MYCBP2: variants seen among roughly 807,000 people sequenced by gnomAD.
The protein encoded by MYCBP2 is E3 ubiquitin-protein ligase MYCBP2.
In MYCBP2, 120 loss-of-function variants were observed where a neutral mutation model predicts 525.3. The ratio of observed to expected loss-of-function variants is 0.23; its 90% CI spans 0.20 to 0.27. The LOEUF is 0.27. MYCBP2 is among the 10% of genes least tolerant of loss of function. The pLI is 1.00. For missense variants in MYCBP2, 4,149 were observed against 5,657.1 expected, an observed-to-expected ratio of 0.73 and a Z score of 8.55; for synonymous variants, 1,894 against 1,955.8, an observed-to-expected ratio of 0.97 and a Z score of 0.83.
chr13:77,061,559 A>T, intron 75 of MYCBP2, 103 bp downstream of exon 75: 2 of 1,350,132 alleles, frequency 1.5e-6, no homozygotes, highest in Non-Finnish European at 2.0e-6. Context: ...AAGGTCTTTG[A>T]TTCCAAAGTC....
chr13:77,056,357 T>C (rs1197734737), intron 79 of MYCBP2, among the ~76,000 whole-genome samples: 1 of 152,122 alleles, frequency 6.6e-6, no homozygotes, highest in Non-Finnish European at 1.5e-5. Flanking sequence ...ACCCTTTATA[T>C]TAGTTTGCAA....
intron 26 of MYCBP2, among the ~76,000 whole-genome samples, chr13:77,198,038 GA>G (rs916849032): frequency 2.1e-4 from 32 of 151,404 alleles, no homozygotes; most frequent in Middle Eastern, 3.4e-3. Flanking sequence ...CTTAGAGCTA[GA>G]AAAAAAAATA....
Position 77,098,994 on chromosome 13 carries a change from T to G in MYCBP2, c.8160A>C (p.Ser2720=), listed in dbSNP as rs982566077. ...GNSKGDRGNI[S]TSSKPASTSG... is the part of the protein sequence containing the mutation. ...ATGTAGAGGCTGGTTTAGAAGATGT[T>G]GAGATGTTTCCTCGATCACCTGTAT... The change falls in exon 56 of 83, where the codon TCA becomes TCC. Residue 2720 remains serine (S), a synonymous_variant. Coordinates refer to ENST00000544440, the MANE Select transcript of MYCBP2 (RefSeq NM_015057.5). The G allele has an allele frequency of 1.9e-5, 31 of 1,607,626 alleles. No homozygotes were observed. Among genetic ancestry groups the G allele is most frequent in the Non-Finnish European group, 2.5e-5 (30 of 1,179,008 alleles).
intron 47 of MYCBP2, among the ~76,000 whole-genome samples, chr13:77,147,155 GAAC>G (rs2055725058): frequency 6.6e-6 from 1 of 151,950 alleles, no homozygotes; most frequent in South Asian, 2.1e-4. Flanking sequence ...AAAACGTATT[GAAC>G]AACCCAAAAT....
At chr13:77,255,071 A>C (rs924191419) in intron 14 of MYCBP2, among the ~76,000 whole-genome samples, 1 of 152,054 alleles carries the variant, frequency 6.6e-6, no homozygotes, top group African/African-American at 2.4e-5. Context: ...GAATGCAGGC[A>C]TCTCTCTGAC....
intron 43 of MYCBP2, 119 bp from the exon 44 acceptor site, chr13:77,162,074 A>G (rs1371091353): frequency 1.4e-6 from 1 of 698,586 alleles, no homozygotes; most frequent in African/African-American, 1.8e-5. Flanking sequence ...TCCAGATTGA[A>G]AAGATTTGTG....
At chr13:77,086,782 G>T (rs1044155156) in intron 62 of MYCBP2, among the ~76,000 whole-genome samples, 1 of 151,266 alleles carries the variant, frequency 6.6e-6, no homozygotes, top group Non-Finnish European at 1.5e-5. Flanking sequence ...GTTCTTTATC[G>T]AATCCATCAT....
chr13:77,254,080 A>G (rs2071713021), intron 14 of MYCBP2, among the ~76,000 whole-genome samples: 1 of 152,010 alleles, frequency 6.6e-6, no homozygotes, highest in South Asian at 2.1e-4. Flanking sequence ...ATTTATATGT[A>G]CCAACATGGA....
intron 26 of MYCBP2, among the ~76,000 whole-genome samples, chr13:77,199,608 G>C (rs1467692030): frequency 5.9e-5 from 9 of 152,238 alleles, no homozygotes; most frequent in African/African-American, 1.7e-4. Context: ...CAAACAAAAA[G>C]ACAGCAGTAA....
At chr13:77,156,707 C>T (rs888470050) in intron 45 of MYCBP2, among the ~76,000 whole-genome samples, 8 of 152,204 alleles carry the variant, frequency 5.3e-5, no homozygotes, top group African/African-American at 1.9e-4. Flanking sequence ...CTATCTTCCT[C>T]ATTACCTTGC....
Position 77,093,154 on chromosome 13 carries a change from A to G in MYCBP2, c.10367+11T>C, listed in dbSNP as rs374708705. 9 of 1,602,572 alleles carry G rather than the reference A, an allele frequency of 5.6e-6. No homozygotes were observed. The African/African-American group carries it at 1.1e-4, about 19-fold the overall frequency. ...ACTAGCTATTCAACAGACAGGAGAG[A>G]ACTAAAATACCTTGGTGGCATAGAC... On this transcript the variant is annotated intron_variant, in intron 59 of 82. Transcript: ENST00000544440.
At chr13:77,253,913 C>A (rs1035668471) in intron 14 of MYCBP2, among the ~76,000 whole-genome samples, 2 of 151,848 alleles carry the variant, frequency 1.3e-5, no homozygotes, top group South Asian at 4.1e-4. Context: ...CAGAGAAAGT[C>A]TCACAGGTTT....
At chr13:77,238,398 G>GT (rs1467260826) in intron 17 of MYCBP2, among the ~76,000 whole-genome samples, 1 of 152,052 alleles carries the variant, frequency 6.6e-6, no homozygotes, top group African/African-American at 2.4e-5. Flanking sequence ...CATTATTGAA[G>GT]TTTAATTTTC....
Position 77,176,587 on chromosome 13 carries a change from T to C in MYCBP2, c.5382A>G (p.Thr1794=), listed in dbSNP as rs2059725796. Residue 1794 remains threonine, a synonymous_variant, in exon 36 of 83, where the codon ACA becomes ACG. Coordinates refer to ENST00000544440, the MANE Select transcript of MYCBP2 (RefSeq NM_015057.5). ...ACGTTCCTTTCACTAATTCCAGAGA[T>C]GTCCATCTGTGGGAATGAGTTGAAT... is the stretch of plus-strand genomic sequence containing the variant. ...AGDSTHSHRW[T]SLELVKGTYT... is the part of the protein sequence containing the mutation. The C allele has an allele frequency of 6.3e-7, 1 of 1,592,004 alleles. No homozygotes were observed. The highest frequency in any genetic ancestry group is 8.6e-7 in the Non-Finnish European group (1 of 1,165,912).
chr13:77,075,847 G>T (rs902015981), intron 68 of MYCBP2: 13 of 152,156 alleles, frequency 8.5e-5, no homozygotes, highest in South Asian at 2.1e-4. Context: ...TCCAAAAGAT[G>T]TTGAAAGAAG....
intron 44 of MYCBP2, 123 bp downstream of exon 44, chr13:77,161,783 C>A: frequency 1.4e-6 from 1 of 696,724 alleles, no homozygotes; most frequent in Non-Finnish European, 2.4e-6. Flanking sequence ...CTCTATAATG[C>A]CAATGAATAA....
chr13:77,265,215 G>C (rs2073907065), intron 8 of MYCBP2, among the ~76,000 whole-genome samples: 1 of 151,992 alleles, frequency 6.6e-6, no homozygotes. Flanking sequence ...ATCAAAGAGA[G>C]GAGAAATCAA....
chr13:77,188,698 C>A lies in MYCBP2; in HGVS notation c.4251+253G>T, dbSNP rs146309631. Among the ~76,000 whole-genome samples the A allele has an allele frequency of 1.1e-3, 169 of 152,206 alleles. 3 individuals are homozygous for A. The highest frequency in any genetic ancestry group is 1.9e-3 in the Non-Finnish European group (130 of 68,006). ...ATTCATATATGATTTACTAGAAAAGCAAATCGTTATTTGTTTCAAAAACAG... is the reference window on the plus strand; with the variant it reads ...ATTCATATATGATTTACTAGAAAAGAAAATCGTTATTTGTTTCAAAAACAG... On this transcript the variant is annotated intron_variant, in intron 30 of 82. Transcript: ENST00000544440.
At chr13:77,111,436 CTTTT>C (rs779969571) in intron 55 of MYCBP2, among the ~76,000 whole-genome samples, 10 of 137,116 alleles carry the variant, frequency 7.3e-5, no homozygotes, top group Non-Finnish European at 6.4e-5. Flanking sequence ...ATGTCACTTC[CTTTT>C]TTTTTTTTTT....
Sources: allele counts gnomAD v4.1 joint callset (sites outside exome capture counted in the v4.1 genomes callset), GRCh38; gene constraint gnomAD v4.1.1; transcripts MANE v1.5; gene names NCBI Gene and HGNC (gene_info 2026-07-23, HGNC 2026-07-21).